The following FOXN3 variants were observed in gnomAD, a reference collection of about 807,000 sequenced individuals.
FOXN3 encodes forkhead box protein N3.
In FOXN3, 7 loss-of-function variants were observed where a neutral mutation model predicts 38.4. That is an observed-to-expected ratio of 0.18 (90% confidence interval 0.10 to 0.34). The LOEUF (loss-of-function observed/expected upper bound fraction) is 0.34. Among genes scored for constraint, FOXN3 ranks in the 10% least tolerant of loss-of-function variants. The pLI, the probability that FOXN3 is intolerant of heterozygous loss-of-function variation, is 1.00. For missense variants in FOXN3, 456 were observed against 613.4 expected, an observed-to-expected ratio of 0.74 and a Z score of 2.71; for synonymous variants, 230 against 242.2, an observed-to-expected ratio of 0.95 and a Z score of 0.47.
intron 1 of FOXN3, among the ~76,000 whole-genome samples, chr14:89,540,815 G>C (rs1894778752): frequency 6.6e-6 from 1 of 151,270 alleles, no homozygotes; most frequent in African/African-American, 2.4e-5. Flanking sequence ...AACATCCAAA[G>C]ACTGCTGCTG....
intron 4 of FOXN3, chr14:89,263,502 A>G (rs931509110): frequency 2.0e-5 from 3 of 152,224 alleles, no homozygotes; most frequent in African/African-American, 7.2e-5. Context: ...ATATGCTTGA[A>G]TTGTGATAAA....
At chr14:89,381,140 C>T (rs1403100360) in intron 2 of FOXN3, among the ~76,000 whole-genome samples, 1 of 91,930 alleles carries the variant, frequency 1.1e-5, no homozygotes, top group East Asian at 3.3e-4. Context: ...AGACTCCCTC[C>T]GTCTCAAAAA....
At chr14:89,217,529 A>G (rs1016018127) in intron 4 of FOXN3, among the ~76,000 whole-genome samples, 2 of 152,160 alleles carry the variant, frequency 1.3e-5, no homozygotes, top group African/African-American at 4.8e-5. Flanking sequence ...AGCCAAACAC[A>G]TCTGGGTTCT....
At chr14:89,175,563 C>A (rs929532463) in intron 5 of FOXN3, among the ~76,000 whole-genome samples, 3 of 152,182 alleles carry the variant, frequency 2.0e-5, no homozygotes, top group Non-Finnish European at 4.4e-5. Context: ...GCTGGGCACA[C>A]AGCTGTGTGT....
intron 1 of FOXN3, among the ~76,000 whole-genome samples, chr14:89,507,301 G>A (rs1893963399): frequency 6.6e-6 from 1 of 152,174 alleles, no homozygotes; most frequent in South Asian, 2.1e-4. Flanking sequence ...AAGGTGGTAA[G>A]GTAAGATGCA....
intron 1 of FOXN3, among the ~76,000 whole-genome samples, chr14:89,540,714 G>A (rs1894776622): frequency 6.6e-6 from 1 of 150,630 alleles, no homozygotes; most frequent in Non-Finnish European, 1.5e-5. Flanking sequence ...CTCCAGCCTG[G>A]GTAACACAGT....
At chr14:89,590,672 C>T (rs1042087309) in intron 1 of FOXN3, among the ~76,000 whole-genome samples, 1 of 152,108 alleles carries the variant, frequency 6.6e-6, no homozygotes, top group Non-Finnish European at 1.5e-5. Flanking sequence ...CATTTGCCCT[C>T]GAGGCAAGCC....
chr14:89,360,681 C>T (rs1299696168), intron 2 of FOXN3, among the ~76,000 whole-genome samples: 1 of 151,248 alleles, frequency 6.6e-6, no homozygotes, highest in Non-Finnish European at 1.5e-5. Context: ...CATGTTTCCA[C>T]AAAACTCATC....
chr14:89,253,479 C>T (rs1419142490), intron 4 of FOXN3, among the ~76,000 whole-genome samples: 11 of 152,122 alleles, frequency 7.2e-5, no homozygotes, highest in African/African-American at 2.7e-4. Context: ...TCTTTCCCAA[C>T]AAATAGACTG....
intron 1 of FOXN3, among the ~76,000 whole-genome samples, chr14:89,543,438 G>A (rs750760663): frequency 2.1e-4 from 32 of 152,078 alleles, no homozygotes; most frequent in Admixed American, 1.3e-4. Flanking sequence ...CCAGAAACAC[G>A]GTGCTGGGTT....
chr14:89,410,312 CACT>C (rs1891510908), intron 2 of FOXN3, among the ~76,000 whole-genome samples: 1 of 152,170 alleles, frequency 6.6e-6, no homozygotes, highest in Non-Finnish European at 1.5e-5. Context: ...CCCGCACAGC[CACT>C]GATCCCACAC....
intron 1 of FOXN3, among the ~76,000 whole-genome samples, chr14:89,555,880 T>TGTGTGTGTGTGGGGGG (rs1183259048): frequency 1.0e-5 from 1 of 99,614 alleles, no homozygotes; most frequent in Non-Finnish European, 2.4e-5. Flanking sequence ...TGTGTGTATG[T>TGTGTGTGTGTGGGGGG]GGGGGTGTAT....
intron 5 of FOXN3, among the ~76,000 whole-genome samples, chr14:89,176,362 GA>G (rs35367142): frequency 6.6e-6 from 1 of 151,550 alleles, no homozygotes; most frequent in African/African-American, 2.4e-5. Context: ...CTCTGTGGAG[GA>G]AAAAAAAATC....
chr14:89,522,407 C>G (rs1894339715), intron 1 of FOXN3, among the ~76,000 whole-genome samples: 1 of 152,162 alleles, frequency 6.6e-6, no homozygotes, highest in Non-Finnish European at 1.5e-5. Flanking sequence ...CCAGATGGAA[C>G]TCTGCGTGTA....
chr14:89,319,688 C>G (rs1319189571), intron 3 of FOXN3, among the ~76,000 whole-genome samples: 1 of 152,066 alleles, frequency 6.6e-6, no homozygotes, highest in Admixed American at 6.6e-5. Flanking sequence ...AAGGAGAGAA[C>G]CCTCAGACTT....
At chr14:89,352,936 C>G (rs887706115) in intron 2 of FOXN3, among the ~76,000 whole-genome samples, 5 of 152,054 alleles carry the variant, frequency 3.3e-5, no homozygotes, top group Admixed American at 2.6e-4. Flanking sequence ...CTGCAGCGAG[C>G]GGAGATCGCA....
At chr14:89,552,715 T>C (rs1210126832) in intron 1 of FOXN3, among the ~76,000 whole-genome samples, 1 of 152,144 alleles carries the variant, frequency 6.6e-6, no homozygotes, top group Non-Finnish European at 1.5e-5. Context: ...AAAAGTTAGC[T>C]GAGCGTGGTG....
chr14:89,596,595 G>C (rs781740430), intron 1 of FOXN3, among the ~76,000 whole-genome samples: 2 of 152,060 alleles, frequency 1.3e-5, no homozygotes, highest in Non-Finnish European at 2.9e-5. Context: ...GAGAGTTTGT[G>C]GAAAATATGT....
intron 2 of FOXN3, chr14:89,401,769 CAGT>C: frequency 2.4e-6 from 1 of 409,126 alleles, no homozygotes; most frequent in Non-Finnish European, 4.9e-6. Context: ...TCGAGGAGGA[CAGT>C]CACAGCCTTC....
Sources: gnomAD v4.1 joint callset for allele counts (sites outside exome capture counted in the v4.1 genomes callset) on GRCh38, gnomAD v4.1.1 for gene constraint, MANE v1.5 for transcripts, NCBI Gene and HGNC (gene_info 2026-07-23, HGNC 2026-07-21) for gene names.